The following TIMP2 variants were observed in gnomAD, a reference collection of about 807,000 sequenced individuals.
The protein encoded by TIMP2 is metalloproteinase inhibitor 2.
In TIMP2, 5 loss-of-function variants were observed where a neutral mutation model predicts 24.3. The ratio of observed to expected loss-of-function variants is 0.21; its 90% CI spans 0.11 to 0.43. The LOEUF (loss-of-function observed/expected upper bound fraction) is 0.43. Among genes scored for constraint, TIMP2 ranks in the 20% least tolerant of loss-of-function variants. TIMP2 has a pLI of 1.00. For synonymous variants in TIMP2, 130 were observed against 123.2 expected (o/e 1.06, Z -0.37); for missense variants, 221 against 297.5 (o/e 0.74, Z 1.89).
intron 1 of TIMP2, among the ~76,000 whole-genome samples, chr17:78,918,519 A>G (rs2070283019): frequency 6.6e-6 from 1 of 152,074 alleles, no homozygotes; most frequent in African/African-American, 2.4e-5. Flanking sequence ...GCTCCTGACC[A>G]TCTCTCCATT....
chr17:78,900,981 G>A (rs970331665), intron 1 of TIMP2: 7 of 152,454 alleles, frequency 4.6e-5, no homozygotes, highest in Non-Finnish European at 8.8e-5. Context: ...GGCCATGCTA[G>A]GAGGCAGTGG....
intron 3 of TIMP2, among the ~76,000 whole-genome samples, chr17:78,865,110 A>G (rs1159556876): frequency 6.6e-6 from 1 of 152,198 alleles, no homozygotes; most frequent in Non-Finnish European, 1.5e-5. Flanking sequence ...ACTTGAGGAC[A>G]TTATGCTAAG....
chr17:78,916,346 C>T (rs144547817), intron 1 of TIMP2, among the ~76,000 whole-genome samples: 4 of 152,300 alleles, frequency 2.6e-5, no homozygotes, highest in East Asian at 1.9e-4. Context: ...CTCAATGCTC[C>T]GTTTCCTGTT....
chr17:78,900,458 T>C (rs1331048731), intron 1 of TIMP2, among the ~76,000 whole-genome samples: 1 of 151,056 alleles, frequency 6.6e-6, no homozygotes, highest in Non-Finnish European at 1.5e-5. Context: ...GGCAGGAGAA[T>C]CACTTGAACC....
intron 3 of TIMP2, among the ~76,000 whole-genome samples, chr17:78,862,767 G>A (rs1237151857): frequency 6.6e-6 from 1 of 152,208 alleles, no homozygotes; most frequent in East Asian, 1.9e-4. Context: ...TTATGACCAT[G>A]TGTACCCAAT....
At chr17:78,877,677 T>C (rs1831237570) in intron 1 of TIMP2, among the ~76,000 whole-genome samples, 1 of 152,034 alleles carries the variant, frequency 6.6e-6, no homozygotes, top group Non-Finnish European at 1.5e-5. Context: ...ATTTTGGAAA[T>C]TTCTGGAGCT....
chr17:78,892,637 T>C, intron 1 of TIMP2: 1 of 944,158 alleles, frequency 1.1e-6, no homozygotes, highest in Non-Finnish European at 1.5e-6. Context: ...TTCTGTCCTG[T>C]ACACTTTTGA....
rs185412687 is a variant in TIMP2, at chr17:78,862,805, A to T, written c.341-5159T>A. 2.0e-5 allele frequency among the ~76,000 whole-genome samples: 3 copies of T among 152,348 alleles called. No homozygotes were observed. In the East Asian group the frequency reaches 5.8e-4, roughly 29 times the overall value. ...TTAGCTCCCACTTTTAAGTGAGAAC[A>T]TGTGGTATTTGGTTTTCTGTTTTTG... On this transcript the variant is annotated intron_variant, in intron 3 of 4. Coordinates refer to ENST00000262768, the MANE Select transcript of TIMP2 (RefSeq NM_003255.5).
chr17:78,856,388 G>C (rs1219920709), intron 4 of TIMP2: 1 of 160,850 alleles, frequency 6.2e-6, no homozygotes, highest in African/African-American at 2.4e-5. Flanking sequence ...CATACGTGTG[G>C]CTGGAGACTA....
intron 2 of TIMP2, among the ~76,000 whole-genome samples, chr17:78,871,707 G>A (rs1157888266): frequency 2.7e-5 from 4 of 150,504 alleles, no homozygotes; most frequent in African/African-American, 9.8e-5. Flanking sequence ...TTAGCTGGGC[G>A]TGGTGGCGGG....
At chr17:78,877,587 C>T (rs1251002329) in intron 1 of TIMP2, among the ~76,000 whole-genome samples, 2 of 152,112 alleles carry the variant, frequency 1.3e-5, no homozygotes, top group Non-Finnish European at 2.9e-5. Flanking sequence ...AAAAGCAAGC[C>T]AGCAGAATCC....
intron 1 of TIMP2, among the ~76,000 whole-genome samples, chr17:78,915,751 C>T (rs767010831): frequency 1.3e-5 from 2 of 152,132 alleles, no homozygotes; most frequent in African/African-American, 2.4e-5. Context: ...AACTCCCGAC[C>T]TCAGGCGATC....
intron 1 of TIMP2, among the ~76,000 whole-genome samples, chr17:78,911,937 G>A (rs911026081): frequency 2.7e-4 from 40 of 147,386 alleles, no homozygotes; most frequent in African/African-American, 8.5e-4. Context: ...GGTGGCACAC[G>A]CCTGAAATCC....
Position 78,891,337 on chromosome 17 carries a change from G to A in TIMP2, c.131-17418C>T. The A allele has an allele frequency of 6.5e-7, 1 of 1,550,184 alleles. No individual in the cohort carries two copies. The highest frequency in any genetic ancestry group is 8.7e-7 in the Non-Finnish European group (1 of 1,146,920). On this transcript the variant is annotated intron_variant, in intron 1 of 4. Transcript: ENST00000262768. This position sits in a 1 kb window ranked among gnomAD's most constrained non-coding sequence, Gnocchi z 4.5. ...GGTCTGCCATTTTCTTCCCTCTTGGGGTCCCAGCGCCACACTCTTGCATCT... is the reference window on the plus strand; with the variant it reads ...GGTCTGCCATTTTCTTCCCTCTTGGAGTCCCAGCGCCACACTCTTGCATCT...
intron 3 of TIMP2, among the ~76,000 whole-genome samples, chr17:78,869,331 G>A (rs1009988281): frequency 2.0e-5 from 3 of 151,340 alleles, no homozygotes; most frequent in African/African-American, 7.3e-5. Context: ...GCTGAGGCGA[G>A]AGGATCACTT....
chr17:78,867,415 G>A (rs917600526), intron 3 of TIMP2, among the ~76,000 whole-genome samples: 3 of 151,956 alleles, frequency 2.0e-5, no homozygotes, highest in African/African-American at 7.3e-5. Context: ...GTTAAGGAAG[G>A]GAGGGAAGAT....
At chr17:78,912,821 T>C (rs2145793176) in intron 1 of TIMP2, among the ~76,000 whole-genome samples, 1 of 152,346 alleles carries the variant, frequency 6.6e-6, no homozygotes, top group Non-Finnish European at 1.5e-5. Flanking sequence ...CATACAGTCC[T>C]TGATCACCGC....
intron 1 of TIMP2, among the ~76,000 whole-genome samples, chr17:78,917,111 G>T (rs1351186229): frequency 6.6e-6 from 1 of 152,140 alleles, no homozygotes; most frequent in East Asian, 1.9e-4. Context: ...AATTAGCCGG[G>T]CGTAGTGGCG....
At chr17:78,890,898 C>T (rs1383213122) in intron 1 of TIMP2, 1 of 1,550,714 alleles carries the variant, frequency 6.4e-7, no homozygotes, top group South Asian at 1.2e-5. Flanking sequence ...TCTAGCTCAG[C>T]TTTGTAGTGG....
Sources: allele counts gnomAD v4.1 joint callset (sites outside exome capture counted in the v4.1 genomes callset), GRCh38; gene constraint gnomAD v4.1.1; non-coding constraint Gnocchi (gnomAD v3.1); transcripts MANE v1.5; gene names NCBI Gene and HGNC (gene_info 2026-07-23, HGNC 2026-07-21).